ADAMTS3: variants seen among roughly 807,000 people sequenced by gnomAD.
The protein encoded by ADAMTS3 is ADAM metallopeptidase with thrombospondin type 1 motif 3, also known as A disintegrin and metalloproteinase with thrombospondin motifs 3.
ADAMTS3 carries 73 observed loss-of-function variants against 129.0 expected under a neutral mutation model. The ratio of observed to expected loss-of-function variants is 0.57; its 90% CI spans 0.47 to 0.69. The LOEUF (loss-of-function observed/expected upper bound fraction) is 0.69. Among genes scored for constraint, ADAMTS3 ranks in the 30% least tolerant of loss-of-function variants. ADAMTS3 has a pLI of 0.00. For missense variants in ADAMTS3, 1,457 were observed against 1,514.5 expected, an observed-to-expected ratio of 0.96 and a Z score of 0.63; for synonymous variants, 477 against 510.8, an observed-to-expected ratio of 0.93 and a Z score of 0.89.
chr4:72,304,013 G>A lies in ADAMTS3; in HGVS notation c.2328C>T (p.Thr776=). Residue 776 remains threonine (T), a synonymous_variant, in exon 17 of 22, where the codon ACC becomes ACT. Transcript: ENST00000286657. Reference sequence around the variant, plus strand: ...CCCACTCCACACCAAGATCTATGAAGGTCCGCGACTTGGCTTCCTCCCCTT... The same window carrying A: ...CCCACTCCACACCAAGATCTATGAAAGTCCGCGACTTGGCTTCCTCCCCTT... ...NGKGEEAKSR[T]FIDLGVEWDY... 3 of 1,613,670 alleles carry A rather than the reference G, an allele frequency of 1.9e-6. No homozygotes were observed. The highest frequency in any genetic ancestry group is 1.7e-6 in the Non-Finnish European group (2 of 1,179,718).
At chr4:72,562,803 A>G (rs1721933519) in intron 2 of ADAMTS3, among the ~76,000 whole-genome samples, 1 of 152,194 alleles carries the variant, frequency 6.6e-6, no homozygotes, top group Non-Finnish European at 1.5e-5. Context: ...GAAGTAGTAT[A>G]GTTTAGGAAT....
chr4:72,393,089 C>G (rs1289235649), intron 4 of ADAMTS3, among the ~76,000 whole-genome samples: 2 of 151,990 alleles, frequency 1.3e-5, no homozygotes, highest in Admixed American at 1.3e-4. Flanking sequence ...CCACACCCAG[C>G]TAAGTTTTGT....
chr4:72,523,560 T>C (rs756512479), intron 3 of ADAMTS3, among the ~76,000 whole-genome samples: 29 of 152,136 alleles, frequency 1.9e-4, no homozygotes, highest in Non-Finnish European at 3.5e-4. Flanking sequence ...TACATTACAT[T>C]ACATTTTAAT....
chr4:72,310,992 A>C, intron 14 of ADAMTS3, 56 bp downstream of exon 14: 1 of 1,458,464 alleles, frequency 6.9e-7, no homozygotes, highest in South Asian at 1.5e-5. Flanking sequence ...TGTGCAGATG[A>C]ATGACAGTAA....
intron 3 of ADAMTS3, among the ~76,000 whole-genome samples, chr4:72,479,564 A>C (rs905359492): frequency 5.9e-5 from 9 of 152,310 alleles, no homozygotes; most frequent in Admixed American, 4.6e-4. Flanking sequence ...TAAAGACTTA[A>C]ACGTTAGACC....
At position 72,537,942 on chromosome 4, in the gene ADAMTS3, T is replaced by C. The variant is rs60193348; in HGVS notation, c.504+10536A>G. Among the ~76,000 whole-genome samples, 1,169 of 152,086 alleles carry C rather than the reference T, an allele frequency of 7.7e-3. 9 individuals are homozygous for C. The highest frequency in any genetic ancestry group is 0.027 in the African/African-American group (1,114 of 41,504). The stretch of plus-strand genomic sequence containing the variant: ...AGAAATGAAAATATCAAGAAAGACA[T>C]AAATTCTAAAAAGAAACCAAAAAGA... On this transcript the variant is annotated intron_variant, in intron 3 of 21. Coordinates refer to ENST00000286657, the MANE Select transcript of ADAMTS3 (RefSeq NM_014243.3).
chr4:72,417,131 C>T lies in ADAMTS3; in HGVS notation c.505-2160G>A, dbSNP rs1029611348. 2.6e-5 allele frequency among the ~76,000 whole-genome samples: 4 copies of T among 152,176 alleles called. No homozygotes were observed. In the East Asian group the frequency reaches 5.8e-4, roughly 22 times the overall value. On this transcript the variant is annotated intron_variant, in intron 3 of 21. Coordinates refer to ENST00000286657, the MANE Select transcript of ADAMTS3 (RefSeq NM_014243.3). The stretch of plus-strand genomic sequence containing the variant: ...TGCATTCTGTAACATCTACATTATT[C>T]GCCCATCCTCCTAAGTCCACTAACA...
chr4:72,290,194 A>G (rs1578554042), intron 20 of ADAMTS3, among the ~76,000 whole-genome samples: 2 of 152,372 alleles, frequency 1.3e-5, no homozygotes, highest in South Asian at 2.1e-4. Flanking sequence ...GAAACAAGGC[A>G]TACTATTTTT....
intron 3 of ADAMTS3, among the ~76,000 whole-genome samples, chr4:72,506,301 C>T (rs1314019296): frequency 6.6e-6 from 1 of 152,156 alleles, no homozygotes; most frequent in East Asian, 1.9e-4. Context: ...GGGGAACAGG[C>T]TGGGGCACCC....
Position 72,329,578 on chromosome 4 carries a change from A to G in ADAMTS3, c.862-6481T>C, listed in dbSNP as rs1368340404. On this transcript the variant is annotated intron_variant, in intron 5 of 21. Coordinates refer to ENST00000286657, the MANE Select transcript of ADAMTS3 (RefSeq NM_014243.3). Reference sequence around the variant, plus strand: ...CAGTGCTTGTTCTCTTTTCGCAAATACCTTGCTCTATGTTGTGTTTTGTTG... The same window carrying G: ...CAGTGCTTGTTCTCTTTTCGCAAATGCCTTGCTCTATGTTGTGTTTTGTTG... 2.0e-5 allele frequency among the ~76,000 whole-genome samples: 3 copies of G among 152,128 alleles called. No homozygotes were observed. The East Asian group carries it at 5.8e-4, about 29-fold the overall frequency.
At chr4:72,491,504 T>A (rs1258582389) in intron 3 of ADAMTS3, among the ~76,000 whole-genome samples, 1 of 151,852 alleles carries the variant, frequency 6.6e-6, no homozygotes, top group East Asian at 1.9e-4. Flanking sequence ...GTTTTTATCA[T>A]GAATGGGTAT....
chr4:72,481,325 G>T lies in ADAMTS3; in HGVS notation c.505-66354C>A, dbSNP rs557558675. On this transcript the variant is annotated intron_variant, in intron 3 of 21. Coordinates refer to ENST00000286657, the MANE Select transcript of ADAMTS3 (RefSeq NM_014243.3). ...TTTTACAGCTACAGGAATCCAGATT[G>T]TGTCATATTGGTGAAGGGATAAATA... Among the ~76,000 whole-genome samples, 6 of 152,252 alleles carry T rather than the reference G, an allele frequency of 3.9e-5. 1 individual carries two copies. The South Asian group carries it at 1.2e-3, about 32-fold the overall frequency.
chr4:72,431,589 T>A (rs1414128491), intron 3 of ADAMTS3, among the ~76,000 whole-genome samples: 1 of 152,014 alleles, frequency 6.6e-6, no homozygotes, highest in Non-Finnish European at 1.5e-5. Context: ...GTATAAGGTG[T>A]ATATGAAACA....
intron 5 of ADAMTS3, among the ~76,000 whole-genome samples, chr4:72,331,064 G>A (rs1306222258): frequency 6.6e-6 from 1 of 152,152 alleles, no homozygotes; most frequent in Non-Finnish European, 1.5e-5. Context: ...GGAATTTGGG[G>A]CTGCAAAAGC....
intron 3 of ADAMTS3, among the ~76,000 whole-genome samples, chr4:72,513,800 T>C (rs956899068): frequency 2.0e-5 from 3 of 152,124 alleles, no homozygotes; most frequent in African/African-American, 4.8e-5. Context: ...ATAGAGAACA[T>C]TGTACCCAAC....
intron 4 of ADAMTS3, among the ~76,000 whole-genome samples, chr4:72,375,377 G>C (rs1016910148): frequency 3.9e-5 from 6 of 152,136 alleles, no homozygotes; most frequent in Non-Finnish European, 7.3e-5. Flanking sequence ...CACTCTGCCA[G>C]GTGCTGGAAA....
At chr4:72,485,037 G>T (rs1357870783) in intron 3 of ADAMTS3, among the ~76,000 whole-genome samples, 2 of 152,012 alleles carry the variant, frequency 1.3e-5, no homozygotes, top group African/African-American at 4.8e-5. Context: ...TAAAATGTCA[G>T]TAAGATGAAA....
At chr4:72,529,768 A>T (rs13132022) in intron 3 of ADAMTS3, among the ~76,000 whole-genome samples, 34,484 of 102,704 alleles carry the variant, frequency 0.34, 6,362 homozygotes, top group South Asian at 0.55. Context: ...ATATTAATAT[A>T]TGTTAATTAA....
At chr4:72,500,216 G>A (rs989438237) in intron 3 of ADAMTS3, among the ~76,000 whole-genome samples, 6 of 152,084 alleles carry the variant, frequency 3.9e-5, no homozygotes, top group Non-Finnish European at 8.8e-5. Flanking sequence ...CATAGTGGCT[G>A]GACAAATTTG....
Sources: allele counts gnomAD v4.1 joint callset (sites outside exome capture counted in the v4.1 genomes callset), GRCh38; gene constraint gnomAD v4.1.1; transcripts MANE v1.5; gene names NCBI Gene and HGNC (gene_info 2026-07-23, HGNC 2026-07-21).